Variants in ZBTB7C observed in about 807,000 individuals in gnomAD.
ZBTB7C encodes zinc finger and BTB domain-containing protein 7C.
A neutral mutation model predicts 25.7 loss-of-function variants in ZBTB7C; 8 were observed. The ratio of observed to expected loss-of-function variants is 0.31; its 90% confidence interval spans 0.18 to 0.56. The LOEUF is 0.56. Ranked by LOEUF, ZBTB7C falls within the 20% of genes least tolerant of loss-of-function variation. The pLI, the probability that ZBTB7C is intolerant of heterozygous loss-of-function variation, is 0.91. For synonymous variants in ZBTB7C, 394 were observed against 369.0 expected (o/e 1.07, Z -0.78); for missense variants, 824 against 855.2 (o/e 0.96, Z 0.46).
intron 2 of ZBTB7C, among the ~76,000 whole-genome samples, chr18:48,262,190 C>T (rs963147995): frequency 5.3e-5 from 8 of 152,150 alleles, no homozygotes; most frequent in African/African-American, 9.7e-5. Flanking sequence ...GTAAAATGAC[C>T]GGCTCAAGGC....
At chr18:48,361,323 T>C (rs938688689) in intron 1 of ZBTB7C, among the ~76,000 whole-genome samples, 2 of 152,178 alleles carry the variant, frequency 1.3e-5, no homozygotes, top group African/African-American at 4.8e-5. Flanking sequence ...CAGGCACTAA[T>C]ATTCCAGTTT....
chr18:48,302,785 TGGGAAAACCA>T (rs957629688), intron 2 of ZBTB7C, among the ~76,000 whole-genome samples: 79 of 152,328 alleles, frequency 5.2e-4, no homozygotes, highest in Admixed American at 2.9e-3. Context: ...AAGCAAGTCC[TGGGAAAACCA>T]GGAGCTGGCA....
intron 2 of ZBTB7C, among the ~76,000 whole-genome samples, chr18:48,324,315 G>A (rs886651520): frequency 5.3e-5 from 8 of 152,154 alleles, no homozygotes; most frequent in Non-Finnish European, 8.8e-5. Context: ...ATCACCCCAA[G>A]AGAGCAGTGT....
chr18:48,350,536 C>T (rs2145036609), intron 1 of ZBTB7C: 1 of 152,320 alleles, frequency 6.6e-6, no homozygotes, highest in East Asian at 1.9e-4. Flanking sequence ...CATAAGGCAA[C>T]ATACTCACAG....
At chr18:48,255,543 AAG>A (rs1263696247) in intron 2 of ZBTB7C, among the ~76,000 whole-genome samples, 1 of 152,198 alleles carries the variant, frequency 6.6e-6, no homozygotes, top group Non-Finnish European at 1.5e-5. Flanking sequence ...TTAAGAGAGA[AAG>A]AGAGATATAA....
intron 1 of ZBTB7C, among the ~76,000 whole-genome samples, chr18:48,384,843 G>T (rs552766430): frequency 6.6e-6 from 1 of 152,002 alleles, no homozygotes; most frequent in South Asian, 2.1e-4. Flanking sequence ...CACCATGCCC[G>T]GCTAATTTTT....
At chr18:48,295,227 G>A (rs1425834980) in intron 2 of ZBTB7C, among the ~76,000 whole-genome samples, 2 of 152,184 alleles carry the variant, frequency 1.3e-5, no homozygotes, top group African/African-American at 2.4e-5. Context: ...GGTCCAGGGT[G>A]GGCCTGGGAA....
rs574360988 is a variant in ZBTB7C at position 48,263,771 on chromosome 18, A to C, written c.-79+74403T>G. Among the ~76,000 whole-genome samples the C allele has an allele frequency of 2.6e-5, 4 of 152,280 alleles. No homozygotes were observed. The South Asian group carries it at 8.3e-4, about 32-fold the overall frequency. ...ACATAGGAGGAAAAACAAATCATAA[A>C]CCAACATATTAAATAGTTAGTAATA... On this transcript the variant is annotated intron_variant, in intron 2 of 4. Transcript: ENST00000590800.
rs183409240 is a variant in ZBTB7C, at chr18:48,157,029, A to G, written c.-17+28905T>C. Among the ~76,000 whole-genome samples the G allele has an allele frequency of 6.0e-3, 916 of 152,220 alleles. 15 individuals are homozygous for G. Among genetic ancestry groups the G allele is most frequent in the African/African-American group, 0.02 (824 of 41,530 alleles). On this transcript the variant is annotated intron_variant, in intron 3 of 4. Coordinates refer to ENST00000590800, the MANE Select transcript of ZBTB7C (RefSeq NM_001318841.2). ...AATACAGGCCAGAATTTTAGCTGAG[A>G]GTGAACCAGTGGTCCAGGGTAGGCA...
chr18:48,153,398 T>C (rs188497190), intron 3 of ZBTB7C, among the ~76,000 whole-genome samples: 1 of 152,178 alleles, frequency 6.6e-6, no homozygotes, highest in East Asian at 1.9e-4. Flanking sequence ...TTGCACCCAC[T>C]CTCTTTCTGT....
At chr18:48,297,455 T>G (rs577009607) in intron 2 of ZBTB7C, among the ~76,000 whole-genome samples, 1 of 152,246 alleles carries the variant, frequency 6.6e-6, no homozygotes, top group South Asian at 2.1e-4. Context: ...CATCGGCTGT[T>G]CATTGCCTCT....
chr18:48,375,875 C>G (rs2047508012), intron 1 of ZBTB7C, among the ~76,000 whole-genome samples: 1 of 152,230 alleles, frequency 6.6e-6, no homozygotes, highest in Non-Finnish European at 1.5e-5. Flanking sequence ...GAAGACTTGG[C>G]TTCTGGTCCC....
At chr18:48,394,457 G>C (rs2047973582) in intron 1 of ZBTB7C, among the ~76,000 whole-genome samples, 1 of 152,190 alleles carries the variant, frequency 6.6e-6, no homozygotes, top group South Asian at 2.1e-4. Flanking sequence ...ACCCGAACCA[G>C]GGAAAGATCA....
chr18:48,094,925 A>C (rs1410577073), intron 3 of ZBTB7C, among the ~76,000 whole-genome samples: 1 of 152,218 alleles, frequency 6.6e-6, no homozygotes, highest in Admixed American at 6.5e-5. Flanking sequence ...GGCAGTGTCC[A>C]ACCATGCTCA....
intron 3 of ZBTB7C, among the ~76,000 whole-genome samples, chr18:48,058,452 G>A (rs1311687043): frequency 6.6e-6 from 1 of 152,176 alleles, no homozygotes; most frequent in Non-Finnish European, 1.5e-5. Context: ...TCTCTAAACT[G>A]CCTCTGAACA....
chr18:48,153,882 G>A (rs2040754866), intron 3 of ZBTB7C, among the ~76,000 whole-genome samples: 1 of 152,190 alleles, frequency 6.6e-6, no homozygotes, highest in Non-Finnish European at 1.5e-5. Flanking sequence ...CCCCTCTCAG[G>A]GTTTTGAACT....
At chr18:48,329,728 A>C (rs2046302574) in intron 2 of ZBTB7C, among the ~76,000 whole-genome samples, 1 of 152,234 alleles carries the variant, frequency 6.6e-6, no homozygotes, top group African/African-American at 2.4e-5. Flanking sequence ...CTCTCGCCTT[A>C]GGGTCAGTAA....
chr18:48,203,806 G>T (rs939844271), intron 2 of ZBTB7C, among the ~76,000 whole-genome samples: 1 of 152,166 alleles, frequency 6.6e-6, no homozygotes. Flanking sequence ...CCAGAGCCTG[G>T]CACAAGGGAG....
intron 1 of ZBTB7C, among the ~76,000 whole-genome samples, chr18:48,375,883 C>T (rs1455921700): frequency 2.6e-5 from 4 of 152,352 alleles, no homozygotes; most frequent in Admixed American, 2.6e-4. Context: ...GGCTTCTGGT[C>T]CCAATTCTGC....
Sources: allele counts gnomAD v4.1 joint callset (sites outside exome capture counted in the v4.1 genomes callset), GRCh38; gene constraint gnomAD v4.1.1; transcripts MANE v1.5; gene names NCBI Gene and HGNC (gene_info 2026-07-23, HGNC 2026-07-21).